The following ST3GAL5 variants were observed in gnomAD, a reference collection of about 807,000 sequenced individuals.
ST3GAL5 encodes the protein ST3 beta-galactoside alpha-2,3-sialyltransferase 5.
A neutral mutation model predicts 46.1 loss-of-function variants in ST3GAL5; 25 were observed. The observed-to-expected ratio is 0.54, with a 90% CI of 0.40 to 0.76. ST3GAL5 has a LOEUF of 0.76. ST3GAL5 is among the 30% of genes least tolerant of loss of function. The pLI is 0.00. For missense variants in ST3GAL5, 431 were observed against 521.2 expected (o/e 0.83, Z 1.69); for synonymous variants, 182 against 192.7 (o/e 0.94, Z 0.46).
intron 1 of ST3GAL5, among the ~76,000 whole-genome samples, chr2:85,876,112 G>A (rs1158410036): frequency 2.6e-5 from 4 of 152,170 alleles, no homozygotes; most frequent in East Asian, 1.9e-4. Flanking sequence ...TCTTTAACTG[G>A]CAAATGCTGA....
chr2:85,887,954 C>G (rs1159161275), intron 1 of ST3GAL5: 2 of 152,260 alleles, frequency 1.3e-5, no homozygotes, highest in Non-Finnish European at 2.9e-5. Flanking sequence ...TAAGCAAAAG[C>G]CGCATGCATG....
chr2:85,846,756 G>A (rs1344110022), intron 4 of ST3GAL5, 193 bp from the exon 5 acceptor site: 16 of 594,738 alleles, frequency 2.7e-5, no homozygotes, highest in Admixed American at 1.5e-4. Flanking sequence ...GTACTTGAGC[G>A]AACACTTGTA....
Position 85,839,785 on chromosome 2 carries a change from C to T in ST3GAL5, c.*359G>A, listed in dbSNP as rs1681788959. 3.0e-6 allele frequency: 1 copy of T among 338,974 alleles called. No individual in the cohort carries two copies. Among genetic ancestry groups the T allele is most frequent in the South Asian group, 2.4e-5 (1 of 41,132 alleles). 21.0% of individuals were successfully genotyped at this position (338,974 alleles called of 1,614,324 possible). ...GCCACCATCAAAAGAGTGACCTCCC[C>T]TCTCCTTCCAATTAGTTACCTGTAT... On this transcript the variant is annotated 3_prime_UTR_variant, in exon 7 of 7. Coordinates refer to ENST00000638572, the MANE Select transcript of ST3GAL5 (RefSeq NM_003896.4).
At chr2:85,864,626 ACTTTTCTTAAAAAATATGTTGTGTG>A (rs1342418011) in intron 1 of ST3GAL5, among the ~76,000 whole-genome samples, 1 of 152,068 alleles carries the variant, frequency 6.6e-6, no homozygotes, top group Non-Finnish European at 1.5e-5. Context: ...ATTTAAAAAC[ACTTTTCTTAAAAAATATGTTGTGTG>A]CCTGCCTATT....
chr2:85,856,293 G>A (rs142758448), intron 3 of ST3GAL5: 3 of 152,304 alleles, frequency 2.0e-5, no homozygotes, highest in African/African-American at 4.8e-5. Flanking sequence ...CAACATGGGT[G>A]TACCTTCAAA....
chr2:85,858,029 T>C (rs1684332266), intron 3 of ST3GAL5: 1 of 152,174 alleles, frequency 6.6e-6, no homozygotes. Flanking sequence ...ACCGATGGAA[T>C]GTGGCAAGCT....
chr2:85,888,784 C>G, intron 1 of ST3GAL5, 40 bp downstream of exon 1: 1 of 1,178,436 alleles, frequency 8.5e-7, no homozygotes, highest in East Asian at 3.7e-5. Flanking sequence ...CCCCAGCCCG[C>G]GGGCCCCCGC....
intron 6 of ST3GAL5, among the ~76,000 whole-genome samples, chr2:85,843,305 G>A (rs966173603): frequency 1.3e-5 from 2 of 152,126 alleles, no homozygotes; most frequent in African/African-American, 2.4e-5. Flanking sequence ...TGGTGGGTCA[G>A]AGATGATTCG....
chr2:85,887,105 C>T (rs1573740868), intron 1 of ST3GAL5, among the ~76,000 whole-genome samples: 2 of 152,184 alleles, frequency 1.3e-5, no homozygotes, highest in East Asian at 1.9e-4. Context: ...TCACCAACCT[C>T]TTTTCATTCA....
chr2:85,860,944 C>T, intron 3 of ST3GAL5: 1 of 517,386 alleles, frequency 1.9e-6, no homozygotes, highest in Non-Finnish European at 3.5e-6. Flanking sequence ...TTGGGTTGAG[C>T]CCACCTCATC....
At chr2:85,846,280 C>T (rs1171492891) in intron 5 of ST3GAL5, 97 bp downstream of exon 5, 9 of 1,108,280 alleles carry the variant, frequency 8.1e-6, no homozygotes, top group East Asian at 2.5e-5. Context: ...GTATGCATTC[C>T]GCTCTGCGTG....
At chr2:85,885,755 G>C (rs1270915954) in intron 1 of ST3GAL5, among the ~76,000 whole-genome samples, 1 of 151,880 alleles carries the variant, frequency 6.6e-6, no homozygotes, top group Admixed American at 6.6e-5. Context: ...AACCCCGGAG[G>C]CGGAGCCTGC....
chr2:85,883,249 G>A (rs906223816), intron 1 of ST3GAL5, among the ~76,000 whole-genome samples: 7 of 152,110 alleles, frequency 4.6e-5, no homozygotes, highest in African/African-American at 9.7e-5. Flanking sequence ...CATGGGGGCC[G>A]GTCTTTCCCA....
chr2:85,883,347 G>C (rs1361137017), intron 1 of ST3GAL5, among the ~76,000 whole-genome samples: 5 of 152,212 alleles, frequency 3.3e-5, no homozygotes, highest in Non-Finnish European at 5.9e-5. Context: ...CTTCTCTCTT[G>C]CCTCCACCAT....
chr2:85,840,014 G>A lies in ST3GAL5; in HGVS notation c.*130C>T, dbSNP rs561219801. The A allele has an allele frequency of 1.9e-5, 27 of 1,424,180 alleles. No individual in the cohort carries two copies. The East Asian group carries it at 6.3e-4, about 33-fold the overall frequency. 88.2% of individuals were successfully genotyped at this position (1,424,180 alleles called of 1,614,324 possible). ...TGGGAAGAGCTAAAATTTTTTTTGT[G>A]TTTTTAAATTAAAAGTTAAAAACAT... On this transcript the variant is annotated 3_prime_UTR_variant, in exon 7 of 7. Coordinates refer to ENST00000638572, the MANE Select transcript of ST3GAL5 (RefSeq NM_003896.4).
At chr2:85,880,301 A>T (rs940724028) in intron 1 of ST3GAL5, among the ~76,000 whole-genome samples, 5 of 152,212 alleles carry the variant, frequency 3.3e-5, no homozygotes, top group Non-Finnish European at 7.3e-5. Flanking sequence ...TTACATTTCC[A>T]TTTCTAAAAC....
rs1167125604 is a variant in ST3GAL5 at position 85,844,487 on chromosome 2, A to G, written c.917T>C (p.Phe306Ser). 6.2e-7 allele frequency: 1 copy of G among 1,614,104 alleles called. No individual in the cohort carries two copies. Among genetic ancestry groups the G allele is most frequent in the Non-Finnish European group, 8.5e-7 (1 of 1,180,046 alleles). Residue 306 changes from phenylalanine (F) to serine (S), a missense_variant, in exon 6 of 7, where the codon TTC becomes TCC. Coordinates refer to ENST00000638572, the MANE Select transcript of ST3GAL5 (RefSeq NM_003896.4). ...GATGATAACTGGATTCAAAATCCTG[A>G]AATGTTTTGGCTGCAGTGGGATTTT... ...AEKIPLQPKH[F>S]RILNPVIIKE...
chr2:85,857,686 C>T (rs1194220150), intron 3 of ST3GAL5, among the ~76,000 whole-genome samples: 3 of 152,022 alleles, frequency 2.0e-5, no homozygotes, highest in Non-Finnish European at 2.9e-5. Flanking sequence ...AAGTCATGAA[C>T]GGTCTTCTGG....
chr2:85,844,661 C>CA, intron 5 of ST3GAL5, 107 bp from the exon 6 acceptor site: 1 of 1,478,766 alleles, frequency 6.8e-7, no homozygotes, highest in South Asian at 1.2e-5. Context: ...TGGCCCTGTG[C>CA]ACTGCCTTCT....
Sources: gnomAD v4.1 joint callset for allele counts (sites outside exome capture counted in the v4.1 genomes callset) on GRCh38, gnomAD v4.1.1 for gene constraint, MANE v1.5 for transcripts, NCBI Gene and HGNC (gene_info 2026-07-23, HGNC 2026-07-21) for gene names.